The following CTNNA3 variants were observed in gnomAD, a reference collection of about 807,000 sequenced individuals.
CTNNA3 encodes catenin alpha 3, also known as catenin alpha-3.
CTNNA3 carries 76 observed loss-of-function variants against 95.7 expected under a neutral mutation model. The ratio of observed to expected loss-of-function variants is 0.79; its 90% CI spans 0.66 to 0.96. The LOEUF is 0.96. CTNNA3 is among the 40% of genes least tolerant of loss of function. The pLI is 0.00. For synonymous variants in CTNNA3, 431 were observed against 374.4 expected, an observed-to-expected ratio of 1.15 and a Z score of -1.74; for missense variants, 1,191 against 1,089.8, an observed-to-expected ratio of 1.09 and a Z score of -1.31.
chr10:67,205,184 C>T (rs918073534), intron 6 of CTNNA3, among the ~76,000 whole-genome samples: 13 of 152,126 alleles, frequency 8.5e-5, no homozygotes, highest in African/African-American at 2.9e-4. Context: ...GGCCCTGGCC[C>T]AGAATAATTA....
intron 7 of CTNNA3, among the ~76,000 whole-genome samples, chr10:66,884,198 C>T (rs73325583): frequency 0.029 from 4,462 of 152,096 alleles, 114 homozygotes; most frequent in African/African-American, 0.066. Flanking sequence ...CCTATTAGGT[C>T]CCACCTCCAA....
intron 3 of CTNNA3, among the ~76,000 whole-genome samples, chr10:67,566,913 T>A (rs1171682742): frequency 4.6e-5 from 7 of 150,986 alleles, no homozygotes; most frequent in South Asian, 2.1e-4. Context: ...CAGTAAACTA[T>A]CGCAAGGACA....
chr10:67,597,473 T>G (rs1487470572), intron 3 of CTNNA3, among the ~76,000 whole-genome samples: 1 of 152,172 alleles, frequency 6.6e-6, no homozygotes, highest in African/African-American at 2.4e-5. Flanking sequence ...GTGGTTTGAC[T>G]GTGGTATAAG....
upstream of CTNNA3, among the ~76,000 whole-genome samples, chr10:67,700,307 G>A (rs978001885): frequency 2.6e-5 from 4 of 152,184 alleles, no homozygotes; most frequent in Non-Finnish European, 5.9e-5. Context: ...ATCTGAGAAT[G>A]GGCAGACTGC....
intron 7 of CTNNA3, among the ~76,000 whole-genome samples, chr10:67,117,273 C>A (rs1360754632): frequency 1.3e-5 from 2 of 151,350 alleles, no homozygotes; most frequent in South Asian, 4.2e-4. Context: ...AAAAAAAAAA[C>A]AACTATACTC....
intron 7 of CTNNA3, among the ~76,000 whole-genome samples, chr10:67,065,575 T>C (rs1308847943): frequency 1.3e-5 from 2 of 152,096 alleles, no homozygotes; most frequent in Admixed American, 1.3e-4. Flanking sequence ...CAGTTAGAAA[T>C]GGCAATATGA....
At position 66,661,682 on chromosome 10, in the gene CTNNA3, G is replaced by A. The variant is rs951230532; in HGVS notation, c.1282-39898C>T. On this transcript the variant is annotated intron_variant, in intron 9 of 17. Transcript: ENST00000433211. ...AACAAAATAAAAAACCAACAACTAT[G>A]TACAATGTACACCTTGGCCACTATT... Among the ~76,000 whole-genome samples, 10 of 152,178 alleles carry A rather than the reference G, an allele frequency of 6.6e-5. No homozygotes were observed. In the South Asian group the frequency reaches 1.5e-3, roughly 22 times the overall value.
At chr10:67,654,101 TG>T (rs753276417) in intron 1 of CTNNA3, among the ~76,000 whole-genome samples, 24 of 152,020 alleles carry the variant, frequency 1.6e-4, no homozygotes, top group African/African-American at 5.1e-4. Context: ...CAGCCAGAAG[TG>T]GGAAGAGAAG....
chr10:66,858,491 AC>A lies in CTNNA3; in HGVS notation c.1048-82968del, dbSNP rs541486611. Among the ~76,000 whole-genome samples, 18 of 151,978 alleles carry A rather than the reference AC, an allele frequency of 1.2e-4. No homozygotes were observed. The South Asian group carries it at 3.7e-3, about 32-fold the overall frequency. ...GTAGGAATAGTACCCGCTTTTTTATACATACAGTGGGTACAATTCCGCTGTG... is the reference window on the plus strand; with the variant it reads ...GTAGGAATAGTACCCGCTTTTTTATAATACAGTGGGTACAATTCCGCTGTG... On this transcript the variant is annotated intron_variant, in intron 7 of 17. Coordinates refer to ENST00000433211, the MANE Select transcript of CTNNA3 (RefSeq NM_013266.4).
intron 7 of CTNNA3, among the ~76,000 whole-genome samples, chr10:66,803,072 A>T (rs551153273): frequency 3.2e-4 from 49 of 152,144 alleles, no homozygotes; most frequent in African/African-American, 1.2e-3. Flanking sequence ...AAACACATCA[A>T]ACTGTAACAT....
chr10:66,709,157 C>G (rs1848213204), intron 9 of CTNNA3, among the ~76,000 whole-genome samples: 1 of 152,000 alleles, frequency 6.6e-6, no homozygotes, highest in African/African-American at 2.4e-5. Context: ...TTGAGAAAAC[C>G]TAAAATATAG....
chr10:67,598,626 A>G (rs936358798), intron 3 of CTNNA3, among the ~76,000 whole-genome samples: 1 of 152,162 alleles, frequency 6.6e-6, no homozygotes, highest in Non-Finnish European at 1.5e-5. Context: ...CAAGGACAGA[A>G]AGAAAAAAGA....
At chr10:66,978,552 A>AAAAT in intron 7 of CTNNA3, among the ~76,000 whole-genome samples, 62 of 37,846 alleles carry the variant, frequency 1.6e-3, no homozygotes, top group African/African-American at 3.0e-3. Context: ...AAAAAAAAAA[A>AAAAT]ATATATATAT....
At chr10:67,469,049 A>C (rs1845552505) in intron 5 of CTNNA3, among the ~76,000 whole-genome samples, 1 of 152,198 alleles carries the variant, frequency 6.6e-6, no homozygotes, top group Admixed American at 6.5e-5. Context: ...TTGGGAAATA[A>C]GAAAGGGTTG....
In CTNNA3 at chr10:67,606,885, C is replaced by A; in HGVS notation, c.264G>T (p.Thr88=). ...CTTTGCGAACTTCCTCAAGTGAAGCCGTAAGCTCATCCTTTAAAACTGTAG... is the reference window on the plus strand; with the variant it reads ...CTTTGCGAACTTCCTCAAGTGAAGCAGTAAGCTCATCCTTTAAAACTGTAG... ...QEATVLKDEL[T]ASLEEVRKES... The change falls in exon 3 of 18, where the codon ACG becomes ACT. Residue 88 remains threonine, a synonymous_variant. Coordinates refer to ENST00000433211, the MANE Select transcript of CTNNA3 (RefSeq NM_013266.4). The A allele has an allele frequency of 6.2e-7, 1 of 1,613,860 alleles. No homozygotes were observed. The highest frequency in any genetic ancestry group is 8.5e-7 in the Non-Finnish European group (1 of 1,179,872).
intron 17 of CTNNA3, among the ~76,000 whole-genome samples, chr10:65,936,945 A>G (rs2077349034): frequency 6.6e-6 from 1 of 151,870 alleles, no homozygotes; most frequent in South Asian, 2.1e-4. Flanking sequence ...CTACCTAATA[A>G]ACTTGTTGAC....
intron 7 of CTNNA3, among the ~76,000 whole-genome samples, chr10:67,157,400 A>C (rs1334072355): frequency 6.6e-6 from 1 of 152,178 alleles, no homozygotes; most frequent in Non-Finnish European, 1.5e-5. Flanking sequence ...GGTCCTGTTT[A>C]GTTCCAAAAG....
At chr10:67,127,276 T>C (rs368795447) in intron 7 of CTNNA3, among the ~76,000 whole-genome samples, 2 of 152,294 alleles carry the variant, frequency 1.3e-5, no homozygotes, top group African/African-American at 2.4e-5. Flanking sequence ...TCTGGAGAAT[T>C]ATTGACTTAT....
intron 7 of CTNNA3, among the ~76,000 whole-genome samples, chr10:67,125,107 G>C (rs1045672177): frequency 3.9e-5 from 6 of 152,066 alleles, no homozygotes; most frequent in Non-Finnish European, 8.8e-5. Context: ...TTACCTGTTT[G>C]TTTCACAAAC....
Sources: gnomAD v4.1 joint callset for allele counts (sites outside exome capture counted in the v4.1 genomes callset) on GRCh38, gnomAD v4.1.1 for gene constraint, MANE v1.5 for transcripts, NCBI Gene and HGNC (gene_info 2026-07-23, HGNC 2026-07-21) for gene names.